Variants in TWIST2 observed in about 807,000 individuals in gnomAD.
The protein encoded by TWIST2 is twist family bHLH transcription factor 2, also known as twist-related protein 2.
Under a neutral mutation model 11.6 loss-of-function variants are expected in TWIST2, and 1 was observed. The observed-to-expected ratio is 0.09, with a 90% confidence interval of 0.03 to 0.41. The LOEUF (loss-of-function observed/expected upper bound fraction) is 0.41, where lower values mean the gene tolerates loss of function less well. Ranked by LOEUF, TWIST2 falls within the 10% of genes least tolerant of loss-of-function variation. The pLI is 0.98. For synonymous variants in TWIST2, 87 were observed against 96.6 expected, an observed-to-expected ratio of 0.90 and a Z score of 0.58; for missense variants, 168 against 226.4, an observed-to-expected ratio of 0.74 and a Z score of 1.66.
chr2:238,864,708 G>T lies in TWIST2; in HGVS notation c.*35+15975G>T, dbSNP rs931366753. On this transcript the variant is annotated intron_variant, in intron 1 of 1. Transcript: ENST00000612363. This position sits in a 1 kb window ranked among gnomAD's most constrained non-coding sequence, Gnocchi z 4.7. ...CCGTGGCTTGCTCTGTGGGGACACT[G>T]CCCTGGGGTCCACCCTGCCGCGGGG... Among the ~76,000 whole-genome samples, 159 of 152,288 alleles carry T rather than the reference G, an allele frequency of 1.0e-3. No individual in the cohort carries two copies. Among genetic ancestry groups the T allele is most frequent in the African/African-American group, 3.5e-3 (147 of 41,570 alleles).
chr2:238,889,575 G>T (rs1207688531), intron 1 of TWIST2, among the ~76,000 whole-genome samples: 2 of 152,204 alleles, frequency 1.3e-5, no homozygotes, highest in Admixed American at 6.5e-5. Context: ...CTTTGCGCAT[G>T]ATAGATATTT....
At chr2:238,886,465 C>T (rs993706920) in intron 1 of TWIST2, among the ~76,000 whole-genome samples, 55 of 152,064 alleles carry the variant, frequency 3.6e-4, no homozygotes, top group Non-Finnish European at 1.2e-4. Context: ...TCAGAAGATG[C>T]CGTAAGGGTT....
At chr2:238,883,296 G>C (rs1183781467) in intron 1 of TWIST2, among the ~76,000 whole-genome samples, 4 of 152,134 alleles carry the variant, frequency 2.6e-5, no homozygotes, top group Non-Finnish European at 5.9e-5. Context: ...CAGGATCCAC[G>C]AACACCGTGG....
intron 1 of TWIST2, among the ~76,000 whole-genome samples, chr2:238,892,077 A>G (rs1474051683): frequency 6.6e-6 from 1 of 151,986 alleles, no homozygotes; most frequent in Admixed American, 6.5e-5. Flanking sequence ...CGGTGTGTGG[A>G]CTGGAACCCG....
At chr2:238,856,461 T>C (rs1404425174) in intron 1 of TWIST2, among the ~76,000 whole-genome samples, 1 of 152,176 alleles carries the variant, frequency 6.6e-6, no homozygotes, top group Non-Finnish European at 1.5e-5. Context: ...TGTGGAACAA[T>C]GTAATTTCCA....
At chr2:238,853,447 T>TA (rs1692278123) in intron 1 of TWIST2, among the ~76,000 whole-genome samples, 18 of 60,694 alleles carry the variant, frequency 3.0e-4, no homozygotes, top group Non-Finnish European at 5.1e-4. Flanking sequence ...GAGGGAGAGA[T>TA]GGAGAGAGAG....
In TWIST2 at chr2:238,867,011, C is replaced by T. The variant is rs941196480; in HGVS notation, c.*35+18278C>T. Among the ~76,000 whole-genome samples the T allele has an allele frequency of 2.0e-5, 3 of 152,160 alleles. No individual in the cohort carries two copies. The highest frequency in any genetic ancestry group is 2.4e-5 in the African/African-American group (1 of 41,424). ...AACTACACTGTGTCTGATGCAAACGCATGTTTTCTGTGCATCTGTGATTTA... is the reference window on the plus strand; with the variant it reads ...AACTACACTGTGTCTGATGCAAACGTATGTTTTCTGTGCATCTGTGATTTA... On this transcript the variant is annotated intron_variant, in intron 1 of 1. Transcript: ENST00000612363. This position sits in a 1 kb window ranked among gnomAD's most constrained non-coding sequence, Gnocchi z 4.8.
chr2:238,885,796 G>A (rs1693023584), intron 1 of TWIST2, among the ~76,000 whole-genome samples: 1 of 152,124 alleles, frequency 6.6e-6, no homozygotes, highest in Non-Finnish European at 1.5e-5. Context: ...TACTGGTTAG[G>A]CGTGGTGGCT....
intron 1 of TWIST2, among the ~76,000 whole-genome samples, chr2:238,872,411 T>A (rs2106360519): frequency 6.6e-6 from 1 of 152,302 alleles, no homozygotes; most frequent in South Asian, 2.1e-4. Flanking sequence ...TACTTGGAAG[T>A]GATGCTTACA....
intron 1 of TWIST2, among the ~76,000 whole-genome samples, chr2:238,852,516 G>A (rs1045070268): frequency 2.0e-5 from 3 of 152,186 alleles, no homozygotes; most frequent in African/African-American, 7.2e-5. Flanking sequence ...CCATAAAGGA[G>A]AAACAGAATC....
rs1276809326 is a variant in TWIST2, at chr2:238,863,432, G to T, written c.*35+14699G>T. Reference sequence around the variant, plus strand: ...GGATGCACCCGGAATGTACCAGCGCGGCTCCCTGATGGAGCTGGCGACGTC... The same window carrying T: ...GGATGCACCCGGAATGTACCAGCGCTGCTCCCTGATGGAGCTGGCGACGTC... On this transcript the variant is annotated intron_variant, in intron 1 of 1. Coordinates refer to ENST00000612363, the MANE Select transcript of TWIST2 (RefSeq NM_001271893.4). The surrounding 1 kb of genome is among the most constrained non-coding windows in gnomAD (Gnocchi z 4.7). Among the ~76,000 whole-genome samples, 1 of 152,288 alleles carries T rather than the reference G, an allele frequency of 6.6e-6. No individual in the cohort carries two copies. The highest frequency in any genetic ancestry group is 1.9e-4 in the East Asian group (1 of 5,178).
At chr2:238,851,971 A>C (rs1305352093) in intron 1 of TWIST2, among the ~76,000 whole-genome samples, 2 of 152,184 alleles carry the variant, frequency 1.3e-5, no homozygotes. Context: ...CTCAGACTTC[A>C]GTGGCTCTTT....
At position 238,909,121 on chromosome 2, in the gene TWIST2, T is replaced by G. The variant is rs1405565467; in HGVS notation, c.*36-721T>G. 8.6e-4 allele frequency among the ~76,000 whole-genome samples: 8 copies of G among 9,264 alleles called. 2 individuals carry two copies. Among genetic ancestry groups the G allele is most frequent in the African/African-American group, 2.3e-3 (7 of 3,030 alleles). 6.1% of individuals were successfully genotyped at this position (9,264 alleles called of 152,430 possible). Reference sequence around the variant, plus strand: ...ATGTTTGGTGTGTGTGTATGTGGGGTGGGGTGTGTTCGTGGGTGTGGTATG... The same window carrying G: ...ATGTTTGGTGTGTGTGTATGTGGGGGGGGGTGTGTTCGTGGGTGTGGTATG... On this transcript the variant is annotated intron_variant, in intron 1 of 1. Coordinates refer to ENST00000612363, the MANE Select transcript of TWIST2 (RefSeq NM_001271893.4).
intron 1 of TWIST2, among the ~76,000 whole-genome samples, chr2:238,857,798 G>A (rs1298399941): frequency 1.3e-5 from 2 of 152,054 alleles, no homozygotes; most frequent in Non-Finnish European, 1.5e-5. Context: ...TTAGCCACGT[G>A]TGGTGGCACA....
At position 238,848,590 on chromosome 2, in the gene TWIST2, G is replaced by C; in HGVS notation, c.375G>C (p.Glu125Asp). 1 of 1,570,082 alleles carries C rather than the reference G, an allele frequency of 6.4e-7. No homozygotes were observed. Among genetic ancestry groups the C allele is most frequent in the Non-Finnish European group, 8.6e-7 (1 of 1,162,732 alleles). ...DFLYQVLQSD[E>D]MDNKMTSCSY... ...TCTACCAGGTCCTGCAGAGCGACGA[G>C]ATGGACAATAAGATGACCAGCTGCA... Residue 125 changes from glutamate to aspartate, a missense_variant, in exon 1 of 2, where the codon GAG (glutamate) becomes GAC (aspartate). Physicochemically the swap from Glu to Asp is conservative, Grantham distance 45. Coordinates refer to ENST00000612363, the MANE Select transcript of TWIST2 (RefSeq NM_001271893.4).
chr2:238,901,038 G>A (rs1384356632), intron 1 of TWIST2, among the ~76,000 whole-genome samples: 33 of 148,026 alleles, frequency 2.2e-4, no homozygotes, highest in African/African-American at 8.0e-4. Flanking sequence ...GGAGTACAGT[G>A]GCAATCTCAG....
chr2:238,872,473 G>A (rs1046675698), intron 1 of TWIST2, among the ~76,000 whole-genome samples: 9 of 152,164 alleles, frequency 5.9e-5, no homozygotes, highest in African/African-American at 2.2e-4. Context: ...GTCCTGTTGA[G>A]TGTCTTTTTG....
intron 1 of TWIST2, among the ~76,000 whole-genome samples, chr2:238,873,050 C>G (rs150855828): frequency 0.012 from 1,897 of 152,300 alleles, 48 homozygotes; most frequent in African/African-American, 0.043. Flanking sequence ...GGAGACAAAT[C>G]TACTGACAGC....
intron 1 of TWIST2, among the ~76,000 whole-genome samples, chr2:238,851,489 C>T (rs866622564): frequency 2.6e-5 from 4 of 152,290 alleles, no homozygotes; most frequent in Middle Eastern, 3.4e-3. Context: ...TTGTCCTGTT[C>T]CCTGCTGTGT....
Sources: gnomAD v4.1 joint callset for allele counts (sites outside exome capture counted in the v4.1 genomes callset) on GRCh38, gnomAD v4.1.1 for gene constraint, Gnocchi (gnomAD v3.1) non-coding constraint, MANE v1.5 for transcripts, NCBI Gene and HGNC (gene_info 2026-07-23, HGNC 2026-07-21) for gene names.